Variants in RAB6A observed in about 807,000 individuals in gnomAD.
RAB6A encodes the protein RAB6A, member RAS oncogene family, also known as ras-related protein Rab-6A.
In RAB6A, 8 loss-of-function variants were observed where a neutral mutation model predicts 32.3. That is an observed-to-expected ratio of 0.25 (90% CI 0.15 to 0.45). The LOEUF (loss-of-function observed/expected upper bound fraction) is 0.45. Among genes scored for constraint, RAB6A ranks in the 20% least tolerant of loss-of-function variants. The pLI is 1.00. For missense variants in RAB6A, 104 were observed against 249.4 expected (o/e 0.42, Z 3.93); for synonymous variants, 73 against 82.1 (o/e 0.89, Z 0.60).
chr11:73,734,176 A>T (rs1946359274), intron 1 of RAB6A, among the ~76,000 whole-genome samples: 1 of 152,128 alleles, frequency 6.6e-6, no homozygotes, highest in Admixed American at 6.5e-5. Flanking sequence ...CCCAGGCTGG[A>T]GTGCAGTGAC....
At chr11:73,731,686 AT>A (rs1946305748) in intron 1 of RAB6A, among the ~76,000 whole-genome samples, 851 of 27,468 alleles carry the variant, frequency 0.031, 68 homozygotes, top group East Asian at 0.093. Context: ...GATAGATATT[AT>A]ATATATATAT....
chr11:73,700,615 G>GA (rs1321146893), intron 6 of RAB6A, among the ~76,000 whole-genome samples: 1 of 128,028 alleles, frequency 7.8e-6, no homozygotes, highest in South Asian at 3.0e-4. Context: ...TGTGTGGGGG[G>GA]GGGGGGGGGA....
intron 4 of RAB6A, among the ~76,000 whole-genome samples, chr11:73,717,404 C>T (rs1232548484): frequency 2.0e-5 from 3 of 152,182 alleles, no homozygotes; most frequent in East Asian, 3.8e-4. Flanking sequence ...CTGGGCTGGG[C>T]ACAATGGTTC....
intron 4 of RAB6A, among the ~76,000 whole-genome samples, chr11:73,717,187 A>G (rs900626623): frequency 6.6e-6 from 1 of 152,216 alleles, no homozygotes; most frequent in Non-Finnish European, 1.5e-5. Context: ...AAAGTCCTTG[A>G]ATGCAATCTT....
intron 1 of RAB6A, among the ~76,000 whole-genome samples, chr11:73,756,104 G>A (rs1481676600): frequency 6.6e-6 from 1 of 152,146 alleles, no homozygotes; most frequent in Non-Finnish European, 1.5e-5. Context: ...TGTAATCCCA[G>A]CACTTTGGGA....
In RAB6A at chr11:73,741,673, C is replaced by T. The variant is rs186031288; in HGVS notation, c.71-10850G>A. Among the ~76,000 whole-genome samples the T allele has an allele frequency of 1.8e-3, 277 of 151,940 alleles. 3 individuals are homozygous for T. The highest frequency in any genetic ancestry group is 6.8e-3 in the Middle Eastern group (2 of 294). ...CCACACAATTGAGTATTATTCAGCA[C>T]CAAAAAGAAATAAGCTATCAAATCA... is the stretch of plus-strand genomic sequence containing the variant. On this transcript the variant is annotated intron_variant, in intron 1 of 7. Coordinates refer to ENST00000336083, the MANE Select transcript of RAB6A (RefSeq NM_198896.2).
At chr11:73,727,070 A>G (rs1298120567) in intron 2 of RAB6A, among the ~76,000 whole-genome samples, 1 of 152,226 alleles carries the variant, frequency 6.6e-6, no homozygotes, top group African/African-American at 2.4e-5. Flanking sequence ...GTGCTAAAGT[A>G]TTCAAAGAAA....
chr11:73,709,516 T>A (rs1403553659), intron 5 of RAB6A, among the ~76,000 whole-genome samples: 2 of 148,910 alleles, frequency 1.3e-5, no homozygotes, highest in Non-Finnish European at 3.0e-5. Flanking sequence ...AATTACTGAT[T>A]TTCAAGTTTT....
rs532320611 is a variant in RAB6A at position 73,755,435 on chromosome 11, A to G, written c.70+5131T>C. On this transcript the variant is annotated intron_variant, in intron 1 of 7. Coordinates refer to ENST00000336083, the MANE Select transcript of RAB6A (RefSeq NM_198896.2). The stretch of plus-strand genomic sequence containing the variant: ...CAGCCTCCCGAAGAGCTGGGACTAC[A>G]GGCACGCACCACCATGCCCGGCTAA... 1.3e-4 allele frequency among the ~76,000 whole-genome samples: 19 copies of G among 151,828 alleles called. No individual in the cohort carries two copies. In the East Asian group the frequency reaches 3.5e-3, roughly 28 times the overall value.
intron 1 of RAB6A, among the ~76,000 whole-genome samples, chr11:73,748,162 A>G (rs1946620435): frequency 6.6e-6 from 1 of 152,140 alleles, no homozygotes. Flanking sequence ...TTCTGTCTGT[A>G]TTTGTTAATT....
At chr11:73,734,020 T>C (rs1946356924) in intron 1 of RAB6A, among the ~76,000 whole-genome samples, 1 of 152,198 alleles carries the variant, frequency 6.6e-6, no homozygotes, top group Non-Finnish European at 1.5e-5. Flanking sequence ...TATATATGTA[T>C]GTGGCTATCA....
At chr11:73,701,067 T>A (rs1008993576) in intron 6 of RAB6A, among the ~76,000 whole-genome samples, 6 of 152,198 alleles carry the variant, frequency 3.9e-5, no homozygotes, top group African/African-American at 1.4e-4. Context: ...AAGCTTTTAT[T>A]ATGTGATGTG....
chr11:73,717,582 T>C (rs1455289073), intron 4 of RAB6A, among the ~76,000 whole-genome samples: 1 of 152,172 alleles, frequency 6.6e-6, no homozygotes, highest in African/African-American at 2.4e-5. Flanking sequence ...GTAGCTGGGA[T>C]TACAGGCATG....
chr11:73,692,265 G>A (rs1273992921), intron 6 of RAB6A, among the ~76,000 whole-genome samples: 3 of 151,930 alleles, frequency 2.0e-5, no homozygotes, highest in Non-Finnish European at 2.9e-5. Context: ...AGCACTTTGG[G>A]AGGCCGAGGT....
chr11:73,739,280 A>ATACATATATATATATATATATAT (rs1389085059), intron 1 of RAB6A, among the ~76,000 whole-genome samples: 1 of 18,422 alleles, frequency 5.4e-5, no homozygotes, highest in African/African-American at 1.2e-4. Flanking sequence ...AAAAAAAAAA[A>ATACATATATATATATATATATAT]AAAAATATAT....
At chr11:73,731,108 A>G (rs61903175) in intron 1 of RAB6A, among the ~76,000 whole-genome samples, 4 of 1,526 alleles carry the variant, frequency 2.6e-3, no homozygotes, top group Non-Finnish European at 0.013. Context: ...CCAAGTAAAC[A>G]CTTACTTGGC....
chr11:73,737,578 T>C (rs947899715), intron 1 of RAB6A, among the ~76,000 whole-genome samples: 1 of 152,184 alleles, frequency 6.6e-6, no homozygotes, highest in Non-Finnish European at 1.5e-5. Context: ...ACAAGCCAAA[T>C]GTCCATCAAC....
chr11:73,675,640 G>C lies in RAB6A; in HGVS notation c.*2258C>G, dbSNP rs1458890103. 6.6e-6 allele frequency: 1 copy of C among 152,084 alleles called. No individual in the cohort carries two copies. The highest frequency in any genetic ancestry group is 2.4e-5 in the African/African-American group (1 of 41,276). The allele number at this position is 152,084 out of a possible 1,614,324, so 9.4% of individuals were successfully genotyped here. The stretch of plus-strand genomic sequence containing the variant: ...GGAATGGGAAACCAGGTCAATAATT[G>C]TTTTCTTTCGTGTTTTATTTATATA... On this transcript the variant is annotated 3_prime_UTR_variant, in exon 8 of 8. Coordinates refer to ENST00000336083, the MANE Select transcript of RAB6A (RefSeq NM_198896.2).
intron 6 of RAB6A, among the ~76,000 whole-genome samples, chr11:73,702,556 A>G (rs1327698203): frequency 6.6e-6 from 1 of 152,230 alleles, no homozygotes; most frequent in African/African-American, 2.4e-5. Flanking sequence ...TCCAGTACAT[A>G]TAAGAACATT....
Sources: allele counts gnomAD v4.1 joint callset (sites outside exome capture counted in the v4.1 genomes callset), GRCh38; gene constraint gnomAD v4.1.1; transcripts MANE v1.5; gene names NCBI Gene and HGNC (gene_info 2026-07-23, HGNC 2026-07-21).